Variants in GPR89B observed in about 807,000 individuals in gnomAD.
The protein encoded by GPR89B is golgi pH regulator B, also known as G protein-coupled receptor 89B.
GPR89B carries 25 observed loss-of-function variants against 52.4 expected under a neutral mutation model. The observed-to-expected ratio is 0.48, with a 90% CI of 0.35 to 0.67. The LOEUF is 0.67. Among genes scored for constraint, GPR89B ranks in the 30% least tolerant of loss-of-function variants. The probability of loss-of-function intolerance (pLI) is 0.01; values close to 1 mark genes in which losing one functional copy is unlikely to be tolerated. For synonymous variants in GPR89B, 52 were observed against 151.2 expected, an observed-to-expected ratio of 0.34 and a Z score of 4.81; for missense variants, 146 against 450.2, an observed-to-expected ratio of 0.32 and a Z score of 6.11.
chr1:148,015,579 G>C, the GPR89B span, among the ~76,000 whole-genome samples: 7 of 148,522 alleles, frequency 4.7e-5, no homozygotes, highest in Admixed American at 7.0e-5. Flanking sequence ...CTCCTAAAGT[G>C]TTGGGATTAC....
chr1:147,993,366 A>C lies in GPR89B; in HGVS notation c.*449A>C. The C allele has an allele frequency of 3.9e-6, 1 of 257,910 alleles. No homozygotes were observed. The highest frequency in any genetic ancestry group is 7.5e-6 in the Non-Finnish European group (1 of 132,996). 16.0% of individuals were successfully genotyped at this position (257,910 alleles called of 1,614,324 possible). A position where few individuals can be genotyped will look rare whatever the true frequency, so the allele number is the denominator to read the frequency against. On this transcript the variant is annotated 3_prime_UTR_variant, in exon 14 of 14. Transcript: ENST00000314163. ...ACTTTTGCCTTACGTTCATTTTATC[A>C]AGCATAGCTTGGTATTTATTATGCT...
intron 12 of GPR89B, among the ~76,000 whole-genome samples, chr1:147,990,856 G>A (rs1659013632): frequency 6.6e-6 from 1 of 151,492 alleles, no homozygotes; most frequent in Non-Finnish European, 1.5e-5. Flanking sequence ...CTGTAGCCTT[G>A]TAGTATAGCT....
chr1:147,956,885 G>T (rs1422740883), intron 7 of GPR89B, among the ~76,000 whole-genome samples: 1 of 151,570 alleles, frequency 6.6e-6, no homozygotes, highest in South Asian at 2.1e-4. Context: ...TTATAGGTGC[G>T]CACCACCACA....
chr1:147,983,479 A>G (rs1225055641), intron 10 of GPR89B, among the ~76,000 whole-genome samples: 1 of 152,182 alleles, frequency 6.6e-6, no homozygotes, highest in Non-Finnish European at 1.5e-5. Context: ...CAAATTTACA[A>G]GAAAAAAACA....
At chr1:147,983,654 A>G (rs1455270832) in intron 10 of GPR89B, among the ~76,000 whole-genome samples, 1 of 151,880 alleles carries the variant, frequency 6.6e-6, no homozygotes. Context: ...TTAGAATGGC[A>G]ATCATTAAAA....
At chr1:148,005,662 C>T in the GPR89B span, among the ~76,000 whole-genome samples, 3 of 152,318 alleles carry the variant, frequency 2.0e-5, no homozygotes, top group Admixed American at 6.5e-5. Flanking sequence ...ACATGTCAAC[C>T]TTAATGTTAT....
chr1:147,971,290 C>G (rs1382302263), intron 10 of GPR89B, among the ~76,000 whole-genome samples: 1 of 151,292 alleles, frequency 6.6e-6, no homozygotes, highest in Admixed American at 6.6e-5. Context: ...GCTGGGATTA[C>G]AAGCACGCAC....
chr1:148,025,135 A>C, the GPR89B span, among the ~76,000 whole-genome samples: 1 of 151,856 alleles, frequency 6.6e-6, no homozygotes, highest in East Asian at 1.9e-4. Flanking sequence ...AAATTGCACA[A>C]TTTTAATCCT....
the GPR89B span, chr1:148,005,591 T>C: frequency 1.8e-6 from 2 of 1,129,164 alleles, no homozygotes; most frequent in Non-Finnish European, 2.6e-6. Context: ...TGACTTCTGA[T>C]TAGCCCCAGT....
Position 147,938,717 on chromosome 1 carries a change from C to T in GPR89B, c.106C>T (p.Arg36Cys), listed in dbSNP as rs781906653. 1.3e-6 allele frequency: 2 copies of T among 1,567,216 alleles called. No individual in the cohort carries two copies. The highest frequency in any genetic ancestry group is 1.2e-5 in the South Asian group (1 of 86,748). Residue 36 changes from arginine to cysteine, a missense_variant, in exon 3 of 14, where the codon CGT becomes TGT. Coordinates refer to ENST00000314163, the MANE Select transcript of GPR89B (RefSeq NM_016334.5). ...MRQLFKDYEI[R>C]QYVVQVIFSV... The stretch of plus-strand genomic sequence containing the variant: ...GTCTCTGTTTGGCTTTTAACAGATA[C>T]GTCAGTATGTTGTACAGGTGATCTT...
intron 7 of GPR89B, among the ~76,000 whole-genome samples, chr1:147,963,959 A>G (rs1263234529): frequency 2.6e-5 from 4 of 152,154 alleles, no homozygotes; most frequent in Non-Finnish European, 4.4e-5. Context: ...TTCTAGTTAT[A>G]TATACATTTT....
At chr1:148,013,239 G>C in the GPR89B span, among the ~76,000 whole-genome samples, 14 of 152,098 alleles carry the variant, frequency 9.2e-5, no homozygotes, top group African/African-American at 3.4e-4. Flanking sequence ...AGAGGAAGAG[G>C]AGTCCGCCAG....
At position 147,992,494 on chromosome 1, in the gene GPR89B, C is replaced by T. The variant is rs1341641572; in HGVS notation, c.1096-8C>T. On this transcript the variant is annotated splice_region_variant and splice_polypyrimidine_tract_variant and intron_variant, in intron 12 of 13. Coordinates refer to ENST00000314163, the MANE Select transcript of GPR89B (RefSeq NM_016334.5). ...ACTGCATAAATTTATCTCCCTCTTT[C>T]TTGACAGTTCTTTTATGCCATCTCT... is the stretch of plus-strand genomic sequence containing the variant. 7.4e-6 allele frequency: 12 copies of T among 1,611,456 alleles called. No individual in the cohort carries two copies. In the African/African-American group the frequency reaches 1.5e-4, roughly 20 times the overall value.
the GPR89B span, among the ~76,000 whole-genome samples, chr1:148,017,746 TAAATA>T: frequency 2.3e-4 from 33 of 143,402 alleles, no homozygotes; most frequent in South Asian, 6.9e-4. Flanking sequence ...TCAAAATAAA[TAAATA>T]AAATAAAATA....
chr1:147,971,489 T>TG (rs1657465957), intron 10 of GPR89B, among the ~76,000 whole-genome samples: 1 of 136,268 alleles, frequency 7.3e-6, no homozygotes, highest in Non-Finnish European at 1.6e-5. Context: ...TTTTTTTTTT[T>TG]GTGAAGACGG....
At chr1:147,987,065 A>G (rs1658720675) in intron 11 of GPR89B, among the ~76,000 whole-genome samples, 2 of 152,118 alleles carry the variant, frequency 1.3e-5, no homozygotes, top group East Asian at 3.9e-4. Context: ...CCTAATCTCA[A>G]AAGGACTTGG....
Position 147,945,544 on chromosome 1 carries a change from T to C in GPR89B, c.415+1446T>C, listed in dbSNP as rs587641290. Among the ~76,000 whole-genome samples, 7 of 152,272 alleles carry C rather than the reference T, an allele frequency of 4.6e-5. No individual in the cohort carries two copies. In the South Asian group the frequency reaches 8.3e-4, roughly 18 times the overall value. ...GCATATGCAATACCATAAATAGTTG[T>C]GTATTTTTAAAATAAGAATAACTTT... is the stretch of plus-strand genomic sequence containing the variant. On this transcript the variant is annotated intron_variant, in intron 5 of 13. Coordinates refer to ENST00000314163, the MANE Select transcript of GPR89B (RefSeq NM_016334.5).
intron 5 of GPR89B, among the ~76,000 whole-genome samples, chr1:147,952,296 A>G (rs587721679): frequency 1.3e-5 from 2 of 151,946 alleles, no homozygotes; most frequent in Admixed American, 1.3e-4. Context: ...AGACTGATCC[A>G]GAGTTGGGAA....
intron 2 of GPR89B, among the ~76,000 whole-genome samples, chr1:147,937,519 G>T (rs1193747942): frequency 9.2e-5 from 14 of 152,092 alleles, no homozygotes; most frequent in Non-Finnish European, 1.9e-4. Flanking sequence ...GTGTATTTTA[G>T]TCCTATCTCA....
Sources: gnomAD v4.1 joint callset for allele counts (sites outside exome capture counted in the v4.1 genomes callset) on GRCh38, gnomAD v4.1.1 for gene constraint, MANE v1.5 for transcripts, NCBI Gene and HGNC (gene_info 2026-07-23, HGNC 2026-07-21) for gene names.